Variants in DENND1B observed in about 807,000 individuals in gnomAD.
DENND1B encodes DENN domain-containing protein 1B.
In DENND1B, 59 loss-of-function variants were observed where a neutral mutation model predicts 90.1. The observed-to-expected ratio is 0.65, with a 90% CI of 0.53 to 0.81. The LOEUF (loss-of-function observed/expected upper bound fraction) is 0.81. Ranked by LOEUF, DENND1B falls within the 40% of genes least tolerant of loss-of-function variation. The pLI, the probability that DENND1B is intolerant of heterozygous loss-of-function variation, is 0.00. For missense variants in DENND1B, 862 were observed against 912.6 expected (o/e 0.94, Z 0.71); for synonymous variants, 337 against 324.6 (o/e 1.04, Z -0.41).
chr1:197,682,720 G>A (rs1656819721), intron 3 of DENND1B, among the ~76,000 whole-genome samples: 1 of 152,148 alleles, frequency 6.6e-6, no homozygotes, highest in Admixed American at 6.6e-5. Flanking sequence ...GGAAAGAGCG[G>A]TGGAGGGGAA....
At chr1:197,552,161 C>G (rs1260752785) in intron 16 of DENND1B, 1 of 909,910 alleles carries the variant, frequency 1.1e-6, no homozygotes, top group Admixed American at 6.2e-5. Flanking sequence ...TATTTATTTA[C>G]ATATAGACTG....
intron 11 of DENND1B, among the ~76,000 whole-genome samples, chr1:197,617,021 G>GTCT (rs1677712555): frequency 6.6e-6 from 1 of 151,000 alleles, no homozygotes; most frequent in Non-Finnish European, 1.5e-5. Flanking sequence ...AACAAGGAGG[G>GTCT]TCTAGAGGCC....
At position 197,528,020 on chromosome 1, in the gene DENND1B, G is replaced by A. The variant is rs146078101; in HGVS notation, c.1515+11944C>T. Among the ~76,000 whole-genome samples, 1,244 of 152,138 alleles carry A rather than the reference G, an allele frequency of 8.2e-3. 10 individuals are homozygous for A. The highest frequency in any genetic ancestry group is 0.016 in the South Asian group (76 of 4,820). ...TTTAATTACATTTATTTTATTCCCA[G>A]AGTCCAATGAATTCCTATGAATGAA... On this transcript the variant is annotated intron_variant, in intron 20 of 22. Coordinates refer to ENST00000620048, the MANE Select transcript of DENND1B (RefSeq NM_001195215.2).
chr1:197,550,278 T>C (rs925099515), intron 16 of DENND1B, among the ~76,000 whole-genome samples: 8 of 152,138 alleles, frequency 5.3e-5, no homozygotes, highest in African/African-American at 1.9e-4. Flanking sequence ...TGAATGTTTT[T>C]GCATTAAGAA....
At chr1:197,588,117 C>A (rs1273556068) in intron 14 of DENND1B, among the ~76,000 whole-genome samples, 1 of 152,168 alleles carries the variant, frequency 6.6e-6, no homozygotes, top group Admixed American at 6.5e-5. Context: ...GCTGGGGATC[C>A]CTGCCCTGCA....
At chr1:197,684,101 A>C (rs978273400) in intron 3 of DENND1B, among the ~76,000 whole-genome samples, 9 of 152,244 alleles carry the variant, frequency 5.9e-5, no homozygotes, top group Non-Finnish European at 8.8e-5. Flanking sequence ...ATTTCAAGTA[A>C]TATGATTTAA....
intron 5 of DENND1B, among the ~76,000 whole-genome samples, chr1:197,663,725 C>T (rs947778856): frequency 4.6e-5 from 7 of 151,980 alleles, no homozygotes; most frequent in South Asian, 2.1e-4. Context: ...TTCAGATCAC[C>T]GTACTTACCC....
chr1:197,661,110 AAAATTAG>A (rs1233290183), intron 5 of DENND1B, among the ~76,000 whole-genome samples: 1 of 152,068 alleles, frequency 6.6e-6, no homozygotes, highest in Non-Finnish European at 1.5e-5. Flanking sequence ...GGGGAATCTA[AAAATTAG>A]AAATTACTAT....
chr1:197,701,268 T>C (rs1197089956), intron 3 of DENND1B, among the ~76,000 whole-genome samples: 1 of 152,198 alleles, frequency 6.6e-6, no homozygotes, highest in Non-Finnish European at 1.5e-5. Context: ...AATGAGATAA[T>C]GTCCTTTGCA....
intron 9 of DENND1B, among the ~76,000 whole-genome samples, chr1:197,644,498 G>A (rs1401300229): frequency 6.6e-6 from 1 of 152,118 alleles, no homozygotes; most frequent in African/African-American, 2.4e-5. Flanking sequence ...ATTTGACTTT[G>A]AAACCCTGAA....
chr1:197,715,173 A>T (rs1044649373), intron 2 of DENND1B, 99 bp from the exon 3 acceptor site: 2 of 853,780 alleles, frequency 2.3e-6, no homozygotes, highest in Non-Finnish European at 3.6e-6. Flanking sequence ...AGCTACTTTA[A>T]TTACAACATT....
intron 10 of DENND1B, 140 bp from the exon 11 acceptor site, chr1:197,617,899 A>G: frequency 1.6e-6 from 1 of 637,388 alleles, no homozygotes; most frequent in Non-Finnish European, 2.8e-6. Context: ...TATCACTTCT[A>G]CATGTAAAAA....
intron 20 of DENND1B, among the ~76,000 whole-genome samples, chr1:197,529,242 A>ATATATATG (rs1553277550): frequency 0.012 from 128 of 10,766 alleles, no homozygotes; most frequent in African/African-American, 0.021. Context: ...ATATATATAT[A>ATATATATG]TGTGTGTGTG....
chr1:197,734,165 G>C, intron 2 of DENND1B: 1 of 893,868 alleles, frequency 1.1e-6, no homozygotes, highest in African/African-American at 1.8e-5. Flanking sequence ...TTAAAATATT[G>C]AACAGAAGAG....
chr1:197,566,430 C>T (rs1672675996), intron 15 of DENND1B, among the ~76,000 whole-genome samples: 1 of 151,624 alleles, frequency 6.6e-6, no homozygotes, highest in South Asian at 2.1e-4. Context: ...TTTTCTGGTA[C>T]CAAAACAGAG....
chr1:197,630,840 G>C (rs578152382), intron 10 of DENND1B, among the ~76,000 whole-genome samples: 11 of 152,180 alleles, frequency 7.2e-5, no homozygotes, highest in Admixed American at 2.0e-4. Flanking sequence ...TAGTGGTGAG[G>C]ATACAGTAAT....
At chr1:197,668,023 C>T (rs754189782) in intron 5 of DENND1B, among the ~76,000 whole-genome samples, 8 of 152,068 alleles carry the variant, frequency 5.3e-5, no homozygotes, top group Non-Finnish European at 7.4e-5. Flanking sequence ...TTTATAAGTA[C>T]ATACAATCCC....
chr1:197,717,181 T>C (rs1391782182), intron 2 of DENND1B, among the ~76,000 whole-genome samples: 1 of 151,986 alleles, frequency 6.6e-6, no homozygotes, highest in Non-Finnish European at 1.5e-5. Context: ...TGTAGCAACT[T>C]TTCAGAAGTA....
chr1:197,591,777 T>C (rs1011093049), intron 14 of DENND1B, among the ~76,000 whole-genome samples: 13 of 152,310 alleles, frequency 8.5e-5, no homozygotes, highest in Non-Finnish European at 1.9e-4. Flanking sequence ...TTCATGTATC[T>C]TCATTTAGAA....
Sources: gnomAD v4.1 joint callset for allele counts (sites outside exome capture counted in the v4.1 genomes callset) on GRCh38, gnomAD v4.1.1 for gene constraint, MANE v1.5 for transcripts, NCBI Gene and HGNC (gene_info 2026-07-23, HGNC 2026-07-21) for gene names.